Variants in CDH11 observed in about 807,000 individuals in gnomAD.
CDH11 encodes the protein cadherin 11.
Under a neutral mutation model 67.8 loss-of-function variants are expected in CDH11, and 11 were observed. The observed-to-expected ratio is 0.16, with a 90% CI of 0.10 to 0.27. CDH11 has a LOEUF of 0.27. Ranked by LOEUF, CDH11 falls within the 10% of genes least tolerant of loss-of-function variation. The probability of loss-of-function intolerance (pLI) is 1.00; values close to 1 mark genes in which losing one functional copy is unlikely to be tolerated. For synonymous variants in CDH11, 419 were observed against 400.0 expected (o/e 1.05, Z -0.57); for missense variants, 847 against 1,031.2 (o/e 0.82, Z 2.45).
intron 2 of CDH11, among the ~76,000 whole-genome samples, chr16:65,052,448 C>G (rs2074072244): frequency 6.6e-6 from 1 of 152,072 alleles, no homozygotes; most frequent in Non-Finnish European, 1.5e-5. Flanking sequence ...CTTAAGAGTG[C>G]TTATGAGGTG....
intron 1 of CDH11, among the ~76,000 whole-genome samples, chr16:65,064,506 A>G (rs141904152): frequency 4.7e-4 from 72 of 152,362 alleles, no homozygotes; most frequent in African/African-American, 1.5e-3. Flanking sequence ...GGCCCCACCA[A>G]TTGCCAGATT....
At chr16:65,078,088 G>A (rs1325988910) in intron 1 of CDH11, among the ~76,000 whole-genome samples, 1 of 152,290 alleles carries the variant, frequency 6.6e-6, no homozygotes, top group East Asian at 1.9e-4. Context: ...CATTGCCACT[G>A]AAAGCAAATA....
In CDH11 at chr16:65,120,747, T is replaced by C. The variant is rs147545762; in HGVS notation, c.-298+1133A>G. The stretch of plus-strand genomic sequence containing the variant: ...GGCTTCTTCTAGCACCTAGAAAACC[T>C]TTCACCCGGGAGAGGCAGGCGCGGC... On this transcript the variant is annotated intron_variant, in intron 1 of 12. Transcript: ENST00000268603. Among the ~76,000 whole-genome samples, 733 of 152,230 alleles carry C rather than the reference T, an allele frequency of 4.8e-3. 18 individuals are homozygous for C. The highest frequency in any genetic ancestry group is 0.04 in the Admixed American group (616 of 15,290).
intron 11 of CDH11, among the ~76,000 whole-genome samples, chr16:64,967,093 C>T (rs2071855063): frequency 6.6e-6 from 1 of 152,096 alleles, no homozygotes; most frequent in Non-Finnish European, 1.5e-5. Context: ...CTAGAATTGA[C>T]CTGGATGTGA....
chr16:65,097,446 A>T (rs2142846525), intron 1 of CDH11, among the ~76,000 whole-genome samples: 1 of 152,316 alleles, frequency 6.6e-6, no homozygotes, highest in Admixed American at 6.5e-5. Flanking sequence ...CCTCAGCACT[A>T]TTGGCACTTT....
At chr16:64,981,477 T>A (rs193163159) in intron 8 of CDH11, 4 of 152,218 alleles carry the variant, frequency 2.6e-5, no homozygotes, top group Non-Finnish European at 4.4e-5. Context: ...TGAAATTTAT[T>A]TGGACACTTT....
At chr16:64,998,479 T>G in intron 4 of CDH11, 83 bp downstream of exon 4, 3 of 1,306,114 alleles carry the variant, frequency 2.3e-6, no homozygotes, top group Non-Finnish European at 2.1e-6. Context: ...CTCTACTTCC[T>G]GATTTGGGAG....
rs993971360 is a variant in CDH11 at position 65,047,318 on chromosome 16, T to G, written c.-173+6486A>C. ...GAATTGAAGAAGACTTAATTCTCTG[T>G]AGACTCTTTTTCACCTTTTAATTTT... On this transcript the variant is annotated intron_variant, in intron 2 of 12. Coordinates refer to ENST00000268603, the MANE Select transcript of CDH11 (RefSeq NM_001797.4). Among the ~76,000 whole-genome samples the G allele has an allele frequency of 1.1e-4, 17 of 152,088 alleles. 1 individual carries two copies. The highest frequency in any genetic ancestry group is 7.9e-4 in the Admixed American group (12 of 15,262).
chr16:64,972,881 A>C, intron 9 of CDH11, 23 bp downstream of exon 9: 1 of 1,612,298 alleles, frequency 6.2e-7, no homozygotes, highest in Non-Finnish European at 8.5e-7. Flanking sequence ...AAGTAGAATC[A>C]AAACCATGAG....
chr16:65,054,428 C>T (rs184636281), intron 1 of CDH11, among the ~76,000 whole-genome samples: 42 of 152,246 alleles, frequency 2.8e-4, no homozygotes, highest in African/African-American at 9.4e-4. Context: ...GAGATACTAT[C>T]CCCACTCCAG....
At chr16:65,030,122 A>G (rs1167902356) in intron 2 of CDH11, among the ~76,000 whole-genome samples, 1 of 152,152 alleles carries the variant, frequency 6.6e-6, no homozygotes, top group Admixed American at 6.5e-5. Context: ...TAATGTTACA[A>G]ACTCTACCGT....
intron 1 of CDH11, among the ~76,000 whole-genome samples, chr16:65,076,102 GT>G (rs2074504824): frequency 6.6e-6 from 1 of 152,156 alleles, no homozygotes; most frequent in Non-Finnish European, 1.5e-5. Flanking sequence ...TGCCTTGAGA[GT>G]TTGCCAACAA....
chr16:64,974,544 C>T (rs1209950108), intron 8 of CDH11, among the ~76,000 whole-genome samples: 1 of 152,158 alleles, frequency 6.6e-6, no homozygotes, highest in Non-Finnish European at 1.5e-5. Context: ...AGGGACCCCC[C>T]ACTGAGCGGC....
Position 65,000,336 on chromosome 16 carries a change from C to A in CDH11, c.229-1480G>T, listed in dbSNP as rs149176125. Among the ~76,000 whole-genome samples the A allele has an allele frequency of 1.8e-3, 278 of 152,260 alleles. 3 individuals carry two copies. The highest frequency in any genetic ancestry group is 0.017 in the Admixed American group (257 of 15,288). ...TCAATTTCTGCAGCTGTCTTTTAATCCGAGTTCCTTGGTCCTCATTCTGCC... is the reference window on the plus strand; with the variant it reads ...TCAATTTCTGCAGCTGTCTTTTAATACGAGTTCCTTGGTCCTCATTCTGCC... On this transcript the variant is annotated intron_variant, in intron 3 of 12. Coordinates refer to ENST00000268603, the MANE Select transcript of CDH11 (RefSeq NM_001797.4).
Position 64,945,950 on chromosome 16 carries a change from C to T in CDH11, c.*1653G>A, listed in dbSNP as rs180940511. ...AGTGTGACTTTATGTGGTCTTTCCC[C>T]AAGTATTGCTACGTTTTGACCTTTG... On this transcript the variant is annotated 3_prime_UTR_variant, in exon 13 of 13. Transcript: ENST00000268603. 9.5e-7 allele frequency: 1 copy of T among 1,057,956 alleles called. No homozygotes were observed. Among genetic ancestry groups the T allele is most frequent in the East Asian group, 5.2e-5 (1 of 19,150 alleles). The allele number at this position is 1,057,956 out of a possible 1,614,324, so 65.5% of individuals were successfully genotyped here. A position where few individuals can be genotyped will look rare whatever the true frequency, so the allele number is the denominator to read the frequency against.
intron 11 of CDH11, among the ~76,000 whole-genome samples, chr16:64,964,935 TGTGCACAAC>T (rs2071771393): frequency 6.6e-6 from 1 of 152,138 alleles, no homozygotes. Context: ...CTAGGGTACA[TGTGCACAAC>T]GTGCAGGTTT....
intron 1 of CDH11, among the ~76,000 whole-genome samples, chr16:65,090,903 G>A (rs908557148): frequency 5.3e-5 from 8 of 152,158 alleles, no homozygotes; most frequent in African/African-American, 1.9e-4. Context: ...GATATTTTAA[G>A]TGTGTTTCCT....
chr16:64,979,522 G>T (rs1288232403), intron 8 of CDH11, among the ~76,000 whole-genome samples: 1 of 152,036 alleles, frequency 6.6e-6, no homozygotes, highest in African/African-American at 2.4e-5. Context: ...AAACTATAAT[G>T]ATATATCATT....
At chr16:64,952,928 A>T (rs1286245164) in intron 11 of CDH11, among the ~76,000 whole-genome samples, 2 of 152,202 alleles carry the variant, frequency 1.3e-5, no homozygotes, top group African/African-American at 4.8e-5. Flanking sequence ...AATTGGTTAT[A>T]GGACCCTCCC....
Sources: allele counts gnomAD v4.1 joint callset (sites outside exome capture counted in the v4.1 genomes callset), GRCh38; gene constraint gnomAD v4.1.1; transcripts MANE v1.5; gene names NCBI Gene and HGNC (gene_info 2026-07-23, HGNC 2026-07-21).